Variants in ARHGEF12 observed in about 807,000 individuals in gnomAD.
The protein encoded by ARHGEF12 is Rho guanine nucleotide exchange factor 12, also known as KMT2A/ARHGEF12 fusion protein.
ARHGEF12 carries 66 observed loss-of-function variants against 211.2 expected under a neutral mutation model. The observed-to-expected ratio is 0.31, with a 90% confidence interval of 0.26 to 0.38. ARHGEF12 has a LOEUF of 0.38. ARHGEF12 is among the 10% of genes least tolerant of loss of function. The pLI, the probability that ARHGEF12 is intolerant of heterozygous loss-of-function variation, is 1.00. For synonymous variants in ARHGEF12, 592 were observed against 638.4 expected, an observed-to-expected ratio of 0.93 and a Z score of 1.09; for missense variants, 1,429 against 1,869.5, an observed-to-expected ratio of 0.76 and a Z score of 4.34.
At chr11:120,404,994 TA>T (rs1223666094) in intron 1 of ARHGEF12, among the ~76,000 whole-genome samples, 1 of 152,214 alleles carries the variant, frequency 6.6e-6, no homozygotes, top group African/African-American at 2.4e-5. Context: ...TACTTCTTTG[TA>T]AGTTAACATG....
intron 33 of ARHGEF12, 67 bp from the exon 34 acceptor site, chr11:120,476,594 C>G (rs1418891901): frequency 1.4e-5 from 16 of 1,156,102 alleles, no homozygotes; most frequent in Non-Finnish European, 2.0e-5. Context: ...ATTTCAAGAC[C>G]CTAAAAACAT....
At position 120,465,341 on chromosome 11, in the gene ARHGEF12, T is replaced by C; in HGVS notation, c.2718T>C (p.Ser906=). Residue 906 remains serine, a synonymous_variant, in exon 28 of 41, where the codon TCT becomes TCC. Coordinates refer to ENST00000397843, the MANE Select transcript of ARHGEF12 (RefSeq NM_015313.3). ...TCAAATCTCGTCAGAAAAAGGATTCTCGATTTCAGACTTTTGTGCAAGTGA... is the reference window on the plus strand; with the variant it reads ...TCAAATCTCGTCAGAAAAAGGATTCCCGATTTCAGACTTTTGTGCAAGTGA... ...EMIKSRQKKD[S]RFQTFVQDAE... is the part of the protein sequence containing the mutation. 6.2e-7 allele frequency: 1 copy of C among 1,614,198 alleles called. No individual in the cohort carries two copies. Among genetic ancestry groups the C allele is most frequent in the Non-Finnish European group, 8.5e-7 (1 of 1,180,036 alleles).
chr11:120,342,750 A>C (rs1565413270), intron 1 of ARHGEF12, among the ~76,000 whole-genome samples: 1 of 152,224 alleles, frequency 6.6e-6, no homozygotes, highest in Non-Finnish European at 1.5e-5. Context: ...TTAAGCAATT[A>C]CTCATGTTCT....
intron 1 of ARHGEF12, among the ~76,000 whole-genome samples, chr11:120,393,989 G>A (rs1019582079): frequency 2.0e-5 from 3 of 151,894 alleles, no homozygotes; most frequent in African/African-American, 7.3e-5. Context: ...GGTCACCATG[G>A]ACTGAAATTA....
chr11:120,378,715 T>C (rs951217790), intron 1 of ARHGEF12, among the ~76,000 whole-genome samples: 2 of 152,224 alleles, frequency 1.3e-5, no homozygotes, highest in Non-Finnish European at 1.5e-5. Context: ...CAGCACCATT[T>C]GCAGAAAAGA....
At chr11:120,337,441 T>G (rs1942385811) in intron 1 of ARHGEF12, 166 bp downstream of exon 1, 1 of 985,162 alleles carries the variant, frequency 1.0e-6, no homozygotes, top group African/African-American at 1.7e-5. Flanking sequence ...GTTATCCAGT[T>G]GATTGGCTTT....
chr11:120,386,656 T>G (rs778989296), intron 1 of ARHGEF12, among the ~76,000 whole-genome samples: 7 of 152,150 alleles, frequency 4.6e-5, no homozygotes, highest in Non-Finnish European at 7.4e-5. Flanking sequence ...CCATTTTTGG[T>G]GCAAGCATAT....
chr11:120,420,651 G>A, intron 4 of ARHGEF12, 102 bp from the exon 5 acceptor site: 1 of 937,262 alleles, frequency 1.1e-6, no homozygotes, highest in East Asian at 2.7e-5. Context: ...GCTACTTTTT[G>A]TTTCTCCAGA....
rs189270352 is a variant in ARHGEF12 at position 120,489,383 on chromosome 11, T to G, written c.*4306T>G. 8.9e-5 allele frequency: 20 copies of G among 224,566 alleles called. No individual in the cohort carries two copies. The highest frequency in any genetic ancestry group is 1.4e-4 in the Non-Finnish European group (16 of 112,638). 13.9% of individuals were successfully genotyped at this position (224,566 alleles called of 1,614,324 possible). A position where few individuals can be genotyped will look rare whatever the true frequency, so the allele number is the denominator to read the frequency against. ...TAACAAAATTTGCTATTGTAACTAT[T>G]TTTAAGTATAAAGTTCAGTGAGGTA... On this transcript the variant is annotated 3_prime_UTR_variant, in exon 41 of 41. Coordinates refer to ENST00000397843, the MANE Select transcript of ARHGEF12 (RefSeq NM_015313.3).
At chr11:120,346,120 G>C (rs1047634659) in intron 1 of ARHGEF12, among the ~76,000 whole-genome samples, 4 of 151,912 alleles carry the variant, frequency 2.6e-5, no homozygotes, top group Non-Finnish European at 4.4e-5. Flanking sequence ...TAATTTTTTT[G>C]GTTTATCTTC....
Position 120,473,063 on chromosome 11 carries a change from A to G in ARHGEF12, c.2969A>G (p.Tyr990Cys). The change falls in exon 31 of 41, where the codon TAT becomes TGT. Residue 990 changes from tyrosine to cysteine, a missense_variant. This residue lies in a region of ARHGEF12 where 223 missense variants were observed against 444.6 expected (regional missense o/e 0.50). Coordinates refer to ENST00000397843, the MANE Select transcript of ARHGEF12 (RefSeq NM_015313.3). ...EAENKQRLED[Y>C]QRRLDTSSLK... The stretch of plus-strand genomic sequence containing the variant: ...CCTAATTTTCAGCGCCTAGAAGATT[A>G]TCAGCGTCGCCTTGATACCTCCAGC... The G allele has an allele frequency of 6.2e-7, 1 of 1,613,748 alleles. No homozygotes were observed. Among genetic ancestry groups the G allele is most frequent in the Non-Finnish European group, 8.5e-7 (1 of 1,179,754 alleles).
intron 1 of ARHGEF12, among the ~76,000 whole-genome samples, chr11:120,399,805 A>C (rs1944506592): frequency 6.6e-6 from 1 of 152,204 alleles, no homozygotes; most frequent in Non-Finnish European, 1.5e-5. Flanking sequence ...AATGCAACCA[A>C]ACTGCAAATG....
At chr11:120,360,111 G>T (rs1943238807) in intron 1 of ARHGEF12, among the ~76,000 whole-genome samples, 2 of 152,082 alleles carry the variant, frequency 1.3e-5, no homozygotes, top group African/African-American at 2.4e-5. Context: ...GTATTTTAGG[G>T]GTGTGGTGGT....
chr11:120,369,384 C>G (rs1228071327), intron 1 of ARHGEF12, among the ~76,000 whole-genome samples: 1 of 152,162 alleles, frequency 6.6e-6, no homozygotes, highest in African/African-American at 2.4e-5. Flanking sequence ...CTGCCTTGGC[C>G]TCCCAAAGTG....
Position 120,448,114 on chromosome 11 carries a change from G to C in ARHGEF12, c.1623-120G>C, listed in dbSNP as rs185085195. On this transcript the variant is annotated intron_variant, in intron 19 of 40. Transcript: ENST00000397843. ...TGTGCAATGACTAGTTAGTTCTTTA[G>C]TGTTTGTTTGATTTATTTCAATAAT... 3.4e-5 allele frequency: 28 copies of C among 813,276 alleles called. No individual in the cohort carries two copies. The Admixed American group carries it at 6.7e-4, about 19-fold the overall frequency. The allele number at this position is 813,276 out of a possible 1,614,324, so 50.4% of individuals were successfully genotyped here.
At chr11:120,356,898 C>T (rs1000923964) in intron 1 of ARHGEF12, among the ~76,000 whole-genome samples, 4 of 152,148 alleles carry the variant, frequency 2.6e-5, no homozygotes, top group African/African-American at 9.7e-5. Flanking sequence ...ACTTAATTCT[C>T]ACAATTACTC....
intron 26 of ARHGEF12, among the ~76,000 whole-genome samples, chr11:120,459,645 G>T (rs563826091): frequency 6.6e-6 from 1 of 151,778 alleles, no homozygotes; most frequent in African/African-American, 2.4e-5. Context: ...AATAATATAC[G>T]TATAAATGTG....
chr11:120,481,123 C>G (rs187077363), intron 38 of ARHGEF12, 137 bp from the exon 39 acceptor site: 3 of 774,020 alleles, frequency 3.9e-6, no homozygotes, highest in Admixed American at 5.6e-5. Flanking sequence ...TTCTGATGTA[C>G]CTGAAACTAA....
chr11:120,479,115 T>G (rs1462716323), intron 37 of ARHGEF12, among the ~76,000 whole-genome samples: 1 of 152,118 alleles, frequency 6.6e-6, no homozygotes, highest in African/African-American at 2.4e-5. Flanking sequence ...AGTGAGTAAC[T>G]AGCAGGAAGT....
Sources: allele counts gnomAD v4.1 joint callset (sites outside exome capture counted in the v4.1 genomes callset), GRCh38; gene constraint gnomAD v4.1.1; regional missense constraint gnomAD v4.1.1; transcripts MANE v1.5; gene names NCBI Gene and HGNC (gene_info 2026-07-23, HGNC 2026-07-21).